The following PFKFB2 variants were observed in gnomAD, a reference collection of about 807,000 sequenced individuals.
PFKFB2 encodes 6-phosphofructo-2-kinase/fructose-2,6-bisphosphatase 2.
Under a neutral mutation model 68.0 loss-of-function variants are expected in PFKFB2, and 53 were observed. That is an observed-to-expected ratio of 0.78 (90% CI 0.63 to 0.98). PFKFB2 has a LOEUF of 0.98. Ranked by LOEUF, PFKFB2 falls within the 50% of genes least tolerant of loss-of-function variation. The pLI is 0.00. For synonymous variants in PFKFB2, 222 were observed against 227.6 expected, an observed-to-expected ratio of 0.98 and a Z score of 0.22; for missense variants, 451 against 642.0, an observed-to-expected ratio of 0.70 and a Z score of 3.22.
In PFKFB2 at chr1:207,070,715, C is replaced by T. The variant is rs1239696210; in HGVS notation, c.1222+306C>T. ...CAGTGGTTGAATATTCCCAGCCTGC[C>T]ACGCTGCCTACTAGGAGGGTGGTAT... On this transcript the variant is annotated intron_variant, in intron 12 of 14. Transcript: ENST00000367080. The surrounding 1 kb of genome is among the most constrained non-coding windows in gnomAD (Gnocchi z 4.2). The T allele has an allele frequency of 2.7e-5, 9 of 327,566 alleles. No individual in the cohort carries two copies. The highest frequency in any genetic ancestry group is 4.6e-5 in the Non-Finnish European group (8 of 173,590). The allele number at this position is 327,566 out of a possible 1,614,324, so 20.3% of individuals were successfully genotyped here.
At chr1:207,058,002 A>T (rs376424760) in intron 2 of PFKFB2, among the ~76,000 whole-genome samples, 2 of 152,254 alleles carry the variant, frequency 1.3e-5, no homozygotes, top group Admixed American at 1.3e-4. Context: ...AGATAGACAC[A>T]TTGGAAATGT....
rs57077682 is a variant in PFKFB2, at chr1:207,042,549, C to CAAAAAAAAA, written c.-18+361_-18+369dup. On this transcript the variant is annotated intron_variant, in intron 2 of 5. Transcript: ENST00000545806. ...GGCGACACAGCAACACTCTGTCTCA[C>CAAAAAAAAA]AAAAAAAAAAAAAAAAAAAAAAAAA... 4.8e-3 allele frequency among the ~76,000 whole-genome samples: 213 copies of CAAAAAAAAA among 44,706 alleles called. 30 individuals carry two copies. The highest frequency in any genetic ancestry group is 5.2e-3 in the Non-Finnish European group (122 of 23,618). 29.3% of individuals were successfully genotyped at this position (44,706 alleles called of 152,430 possible).
chr1:207,067,473 A>G, intron 8 of PFKFB2, 26 bp from the exon 9 acceptor site: 1 of 1,460,724 alleles, frequency 6.8e-7, no homozygotes, highest in Non-Finnish European at 9.5e-7. Flanking sequence ...TACCTAGGGA[A>G]TTTTTTTTTT....
intron 1 of PFKFB2, among the ~76,000 whole-genome samples, chr1:207,040,856 G>C (rs1259403976): frequency 6.6e-6 from 1 of 151,860 alleles, no homozygotes; most frequent in African/African-American, 2.4e-5. Context: ...AGCTCTAATG[G>C]GATGGTAAAG....
chr1:207,054,666 C>T, intron 1 of PFKFB2, 35 bp from the exon 2 acceptor site: 2 of 1,424,442 alleles, frequency 1.4e-6, no homozygotes, highest in Admixed American at 1.8e-5. Flanking sequence ...TCTTTCTTCC[C>T]CTTCCCTTTT....
At chr1:207,038,464 T>G (rs1015598217) in intron 1 of PFKFB2, among the ~76,000 whole-genome samples, 2 of 152,260 alleles carry the variant, frequency 1.3e-5, no homozygotes, top group Admixed American at 6.5e-5. Flanking sequence ...CTGTTTATCA[T>G]ACTGTGACCA....
intron 2 of PFKFB2, among the ~76,000 whole-genome samples, chr1:207,056,793 C>A (rs142924765): frequency 2.0e-5 from 3 of 152,268 alleles, no homozygotes; most frequent in African/African-American, 7.2e-5. Context: ...GAGACTGTTG[C>A]AGACATAGTC....
At position 207,075,603 on chromosome 1, in the gene PFKFB2, G is replaced by C. The variant is rs541578073; in HGVS notation, c.*3232G>C. ...TGAGGCTGTAAGTTTTGTTTTGTGA[G>C]AAATAGGTAAAGACATTAGCATTTA... On this transcript the variant is annotated 3_prime_UTR_variant, in exon 15 of 15. Coordinates refer to ENST00000367080, the MANE Select transcript of PFKFB2 (RefSeq NM_006212.2). The C allele has an allele frequency of 1.3e-3, 1,284 of 985,224 alleles. No individual in the cohort carries two copies. The highest frequency in any genetic ancestry group is 1.5e-3 in the Non-Finnish European group (1,227 of 829,860). 61.0% of individuals were successfully genotyped at this position (985,224 alleles called of 1,614,324 possible).
rs1683435656 is a variant in PFKFB2 at position 207,070,518 on chromosome 1, G to A, written c.1222+109G>A. 6.5e-6 allele frequency: 8 copies of A among 1,231,194 alleles called. No homozygotes were observed. The South Asian group carries it at 1.0e-4, about 15-fold the overall frequency. 76.3% of individuals were successfully genotyped at this position (1,231,194 alleles called of 1,614,324 possible). On this transcript the variant is annotated intron_variant, in intron 12 of 14. Transcript: ENST00000367080. The surrounding 1 kb of genome is among the most constrained non-coding windows in gnomAD (Gnocchi z 4.2). ...CCTCCCTGTCTCCACTCAAATTAGAGTACTTTCTCCAGACAGCAGTGTGGG... is the reference window on the plus strand; with the variant it reads ...CCTCCCTGTCTCCACTCAAATTAGAATACTTTCTCCAGACAGCAGTGTGGG...
intron 1 of PFKFB2, among the ~76,000 whole-genome samples, chr1:207,036,637 C>T (rs1319688484): frequency 3.3e-5 from 5 of 152,188 alleles, no homozygotes; most frequent in Admixed American, 2.6e-4. Flanking sequence ...TGCCACATTC[C>T]CATCCCCAAA....
Position 207,063,962 on chromosome 1 carries a change from T to C in PFKFB2, c.507+133T>C, listed in dbSNP as rs1271248984. The C allele has an allele frequency of 4.1e-6, 3 of 725,866 alleles. No homozygotes were observed. The allele number at this position is 725,866 out of a possible 1,614,324, so 45.0% of individuals were successfully genotyped here. On this transcript the variant is annotated intron_variant, in intron 7 of 14. Coordinates refer to ENST00000367080, the MANE Select transcript of PFKFB2 (RefSeq NM_006212.2). This position sits in a 1 kb window ranked among gnomAD's most constrained non-coding sequence, Gnocchi z 4.1. ...GTAATGAAAGAGAGAAATAGACATGTTTAACATCACAAAGAGATCTTTTCT... is the reference window on the plus strand; with the variant it reads ...GTAATGAAAGAGAGAAATAGACATGCTTAACATCACAAAGAGATCTTTTCT...
intron 2 of PFKFB2, among the ~76,000 whole-genome samples, chr1:207,059,399 C>G (rs938966288): frequency 2.0e-5 from 3 of 152,098 alleles, no homozygotes; most frequent in Admixed American, 6.5e-5. Context: ...TTGAGCCGAG[C>G]TGGAGAAAGT....
At chr1:207,047,918 T>G (rs1280567826) in intron 2 of PFKFB2, 4 of 152,098 alleles carry the variant, frequency 2.6e-5, no homozygotes, top group African/African-American at 9.7e-5. Flanking sequence ...TAAAATAACT[T>G]TAGTGGAGGG....
rs2102350778 is a variant in PFKFB2, at chr1:207,062,708, G to T, written c.300G>T (p.Lys100Asn). The change falls in exon 4 of 15, where the codon AAG becomes AAT. Residue 100 changes from lysine (K) to asparagine (N), a missense_variant. By Grantham distance (94) the Lys-to-Asn change is moderately conservative. Transcript: ENST00000367080. The stretch of plus-strand genomic sequence containing the variant: ...GGCATGACAATGAGGAGGCCATGAA[G>T]ATCCGCAAGTGAGTCTTGTTTAAGG... ...FFRHDNEEAM[K>N]IRKQCALVAL... The T allele has an allele frequency of 6.2e-7, 1 of 1,613,882 alleles. No individual in the cohort carries two copies. The highest frequency in any genetic ancestry group is 1.1e-5 in the South Asian group (1 of 91,040).
chr1:207,074,061 T>C lies in PFKFB2; in HGVS notation c.*1690T>C. ...TTGTTGAATCATAAACATGCCTGTGTCCACCTTATGCTTAATACTGACTCA... is the reference window on the plus strand; with the variant it reads ...TTGTTGAATCATAAACATGCCTGTGCCCACCTTATGCTTAATACTGACTCA... On this transcript the variant is annotated 3_prime_UTR_variant, in exon 15 of 15. Transcript: ENST00000367080. The C allele has an allele frequency of 2.2e-6, 2 of 901,426 alleles. No individual in the cohort carries two copies. Among genetic ancestry groups the C allele is most frequent in the Non-Finnish European group, 2.7e-6 (2 of 753,312 alleles). 55.8% of individuals were successfully genotyped at this position (901,426 alleles called of 1,614,324 possible). A position where few individuals can be genotyped will look rare whatever the true frequency, so the allele number is the denominator to read the frequency against.
rs574695365 is a variant in PFKFB2 at position 207,053,904 on chromosome 1, A to ATT, written c.-18+557_-18+558dup. 5.3e-3 allele frequency among the ~76,000 whole-genome samples: 520 copies of ATT among 97,906 alleles called. 31 individuals are homozygous for ATT. The highest frequency in any genetic ancestry group is 0.017 in the African/African-American group (420 of 24,794). The allele number at this position is 97,906 out of a possible 152,430, so 64.2% of individuals were successfully genotyped here. On this transcript the variant is annotated intron_variant, in intron 1 of 14. Coordinates refer to ENST00000367080, the MANE Select transcript of PFKFB2 (RefSeq NM_006212.2). ...TTTCTTTCTTTCTTTTTCATTTTTC[A>ATT]TTTTTTTTTTTTTTTTTTTTGACAG...
At chr1:207,065,363 T>G in intron 8 of PFKFB2, 1 of 960,334 alleles carries the variant, frequency 1.0e-6, no homozygotes, top group Non-Finnish European at 1.2e-6. Context: ...GGTTTTGTTT[T>G]GTTTTGAGAC....
intron 1 of PFKFB2, among the ~76,000 whole-genome samples, chr1:207,040,760 AT>A (rs1366650750): frequency 2.6e-5 from 4 of 152,116 alleles, no homozygotes; most frequent in African/African-American, 9.7e-5. Flanking sequence ...GATACTTACC[AT>A]CCAGTAAGTA....
At chr1:207,050,735 T>C, upstream of PFKFB2, 1 of 1,613,330 alleles carries the variant, frequency 6.2e-7, no homozygotes. Context: ...ATTGCTGAGA[T>C]CCAGGCACTC....
Sources: gnomAD v4.1 joint callset for allele counts (sites outside exome capture counted in the v4.1 genomes callset) on GRCh38, gnomAD v4.1.1 for gene constraint, Gnocchi (gnomAD v3.1) non-coding constraint, MANE v1.5 for transcripts, NCBI Gene and HGNC (gene_info 2026-07-23, HGNC 2026-07-21) for gene names.